The following CADPS variants were observed in gnomAD, a reference collection of about 807,000 sequenced individuals.
CADPS encodes calcium-dependent secretion activator 1.
Under a neutral mutation model 167.3 loss-of-function variants are expected in CADPS, and 57 were observed. That is an observed-to-expected ratio of 0.34 (90% CI 0.28 to 0.42). The LOEUF (loss-of-function observed/expected upper bound fraction) is 0.42. Among genes scored for constraint, CADPS ranks in the 20% least tolerant of loss-of-function variants. The pLI, the probability that CADPS is intolerant of heterozygous loss-of-function variation, is 1.00. For missense variants in CADPS, 1,414 were observed against 1,738.1 expected, an observed-to-expected ratio of 0.81 and a Z score of 3.32; for synonymous variants, 676 against 635.3, an observed-to-expected ratio of 1.06 and a Z score of -0.96.
At chr3:62,570,780 G>A (rs2081146137) in intron 9 of CADPS, 92 bp downstream of exon 9, 1 of 843,088 alleles carries the variant, frequency 1.2e-6, no homozygotes, top group South Asian at 1.5e-5. Context: ...CATGAGCTCT[G>A]TGTATTTAAG....
chr3:62,757,468 A>G (rs1336813667), intron 2 of CADPS, among the ~76,000 whole-genome samples: 1 of 152,108 alleles, frequency 6.6e-6, no homozygotes, highest in African/African-American at 2.4e-5. Flanking sequence ...ATATTTGTGG[A>G]ATGAGTGAAT....
At chr3:62,721,977 G>A (rs144741323) in intron 3 of CADPS, among the ~76,000 whole-genome samples, 11 of 152,244 alleles carry the variant, frequency 7.2e-5, no homozygotes, top group African/African-American at 2.6e-4. Context: ...TAGAAAGCAC[G>A]CAACAAATAT....
intron 1 of CADPS, among the ~76,000 whole-genome samples, chr3:62,854,503 T>C (rs114848425): frequency 0.024 from 3,596 of 152,314 alleles, 65 homozygotes; most frequent in South Asian, 0.066. Context: ...GGGTATTCTC[T>C]GCTGTCAAGG....
chr3:62,778,710 T>C (rs958418111), intron 1 of CADPS, among the ~76,000 whole-genome samples: 2 of 152,114 alleles, frequency 1.3e-5, no homozygotes, highest in African/African-American at 4.8e-5. Flanking sequence ...TATGTACAAG[T>C]TTAGAAACTT....
At chr3:62,846,709 C>A (rs562639366) in intron 1 of CADPS, among the ~76,000 whole-genome samples, 2 of 152,160 alleles carry the variant, frequency 1.3e-5, no homozygotes, top group African/African-American at 4.8e-5. Context: ...GCTGTGTCAC[C>A]TAGGAGTGCA....
chr3:62,618,285 T>C (rs1300130273), intron 6 of CADPS, among the ~76,000 whole-genome samples: 2 of 151,986 alleles, frequency 1.3e-5, no homozygotes, highest in Non-Finnish European at 2.9e-5. Flanking sequence ...AATGTCATCG[T>C]TTGAGCATCT....
rs76887001 is a variant in CADPS at position 62,451,914 on chromosome 3, C to T, written c.3637-6117G>A. Among the ~76,000 whole-genome samples, 167 of 152,264 alleles carry T rather than the reference C, an allele frequency of 1.1e-3. 1 individual carries two copies. Among genetic ancestry groups the T allele is most frequent in the African/African-American group, 3.5e-3 (144 of 41,544 alleles). On this transcript the variant is annotated intron_variant, in intron 26 of 29. Transcript: ENST00000383710. ...CAGTATGTAAAAATGTTACTCAGTG[C>T]CATGCCTAAAATCATTTCGTCTCCT...
At chr3:62,605,485 C>T (rs1015896591) in intron 6 of CADPS, among the ~76,000 whole-genome samples, 1 of 152,162 alleles carries the variant, frequency 6.6e-6, no homozygotes, top group Non-Finnish European at 1.5e-5. Context: ...ATAGCATCTA[C>T]CTTATAGGGT....
In CADPS at chr3:62,498,752, T is replaced by C. The variant is rs1382243588; in HGVS notation, c.2706+410A>G. Among the ~76,000 whole-genome samples the C allele has an allele frequency of 2.6e-5, 4 of 151,862 alleles. No homozygotes were observed. The South Asian group carries it at 8.4e-4, about 32-fold the overall frequency. On this transcript the variant is annotated intron_variant, in intron 18 of 29. Coordinates refer to ENST00000383710, the MANE Select transcript of CADPS (RefSeq NM_003716.4). ...AGACTGTAGTACAAGCAGAGTAAGT[T>C]ACCGAGATAAATTGAGAAAGAAGGT...
At position 62,691,679 on chromosome 3, in the gene CADPS, A is replaced by G. The variant is rs184986342; in HGVS notation, c.889-29285T>C. Among the ~76,000 whole-genome samples the G allele has an allele frequency of 1.4e-3, 206 of 152,194 alleles. 2 individuals carry two copies. Among genetic ancestry groups the G allele is most frequent in the African/African-American group, 4.5e-3 (185 of 41,510 alleles). On this transcript the variant is annotated intron_variant, in intron 3 of 29. Coordinates refer to ENST00000383710, the MANE Select transcript of CADPS (RefSeq NM_003716.4). ...TTATCCTCAGCAAACTAAAGCAGGA[A>G]CAGAAAACCAAACATTGCATGTTCT... is the stretch of plus-strand genomic sequence containing the variant.
At chr3:62,411,392 A>T (rs2048929097) in intron 28 of CADPS, among the ~76,000 whole-genome samples, 1 of 152,212 alleles carries the variant, frequency 6.6e-6, no homozygotes, top group African/African-American at 2.4e-5. Flanking sequence ...GACCACGCCC[A>T]TGTGACTAAG....
At chr3:62,437,759 T>C (rs1029253602) in intron 28 of CADPS, among the ~76,000 whole-genome samples, 3 of 152,114 alleles carry the variant, frequency 2.0e-5, no homozygotes, top group Non-Finnish European at 4.4e-5. Flanking sequence ...AATATCTCCC[T>C]AAAGTGAGGC....
rs375355508 is a variant in CADPS at position 62,420,898 on chromosome 3, A to G, written c.3777+17206T>C. On this transcript the variant is annotated intron_variant, in intron 28 of 29. Transcript: ENST00000383710. This position sits in a 1 kb window ranked among gnomAD's most constrained non-coding sequence, Gnocchi z 4.1. ...CACACACACACACACACACACACAC[A>G]CACAGGCACACACACACACACTTGC... Among the ~76,000 whole-genome samples the G allele has an allele frequency of 0.12, 15,095 of 126,254 alleles. 826 individuals are homozygous for G. The highest frequency in any genetic ancestry group is 0.13 in the Non-Finnish European group (8,242 of 64,228). The allele number at this position is 126,254 out of a possible 152,430, so 82.8% of individuals were successfully genotyped here.
At chr3:62,401,137 A>C (rs1018097047) in intron 29 of CADPS, among the ~76,000 whole-genome samples, 4 of 152,198 alleles carry the variant, frequency 2.6e-5, no homozygotes, top group Non-Finnish European at 5.9e-5. Flanking sequence ...AGCTACCTGA[A>C]CTGTGTTTTC....
At position 62,478,349 on chromosome 3, in the gene CADPS, G is replaced by A. The variant is rs1239061728; in HGVS notation, c.3241C>T (p.Leu1081=). The A allele has an allele frequency of 6.2e-7, 1 of 1,613,856 alleles. No homozygotes were observed. Among genetic ancestry groups the A allele is most frequent in the East Asian group, 2.2e-5 (1 of 44,880 alleles). ...CCAAACTCTTCTTCAGGCCAGTGCA[G>A]GTCCCGAATGAAGGTCTGAAGGGCG... ...LDALQTFIRD[L]HWPEEEFGKH... The change falls in exon 23 of 30, where the codon CTG becomes TTG. Residue 1081 remains leucine, a synonymous_variant. Transcript: ENST00000383710. This position sits in a 1 kb window ranked among gnomAD's most constrained non-coding sequence, Gnocchi z 5.7.
chr3:62,515,012 C>T (rs893577839), intron 16 of CADPS, among the ~76,000 whole-genome samples: 2 of 152,050 alleles, frequency 1.3e-5, no homozygotes, highest in Non-Finnish European at 2.9e-5. Flanking sequence ...GTCAGACAGA[C>T]AAAATTGAGA....
At chr3:62,873,074 G>GA (rs1333756345) in intron 1 of CADPS, among the ~76,000 whole-genome samples, 4 of 152,124 alleles carry the variant, frequency 2.6e-5, no homozygotes, top group African/African-American at 7.2e-5. Context: ...AATACGAATT[G>GA]AAAAAACAAG....
intron 1 of CADPS, among the ~76,000 whole-genome samples, chr3:62,773,453 G>A (rs981721106): frequency 1.3e-5 from 2 of 152,020 alleles, no homozygotes; most frequent in Non-Finnish European, 2.9e-5. Flanking sequence ...AGTTGAAGGG[G>A]GAAAAACATA....
At chr3:62,691,955 T>C (rs2079211642) in intron 3 of CADPS, among the ~76,000 whole-genome samples, 1 of 151,830 alleles carries the variant, frequency 6.6e-6, no homozygotes. Flanking sequence ...AAAAAAAAGA[T>C]AGGATTTTTT....
Sources: allele counts gnomAD v4.1 joint callset (sites outside exome capture counted in the v4.1 genomes callset), GRCh38; gene constraint gnomAD v4.1.1; non-coding constraint Gnocchi (gnomAD v3.1); transcripts MANE v1.5; gene names NCBI Gene and HGNC (gene_info 2026-07-23, HGNC 2026-07-21).